UNC13C: variants seen among roughly 807,000 people sequenced by gnomAD.
The protein encoded by UNC13C is unc-13 homolog C, also known as protein unc-13 homolog C.
UNC13C carries 174 observed loss-of-function variants against 245.4 expected under a neutral mutation model. The ratio of observed to expected loss-of-function variants is 0.71; its 90% CI spans 0.63 to 0.80. The LOEUF is 0.80. Ranked by LOEUF, UNC13C falls within the 30% of genes least tolerant of loss-of-function variation. The pLI, the probability that UNC13C is intolerant of heterozygous loss-of-function variation, is 0.00. For synonymous variants in UNC13C, 992 were observed against 895.1 expected, an observed-to-expected ratio of 1.11 and a Z score of -1.93; for missense variants, 2,829 against 2,602.9, an observed-to-expected ratio of 1.09 and a Z score of -1.89.
At chr15:53,887,650 T>G in the UNC13C span, among the ~76,000 whole-genome samples, 1 of 144,628 alleles carries the variant, frequency 6.9e-6, no homozygotes, top group Admixed American at 6.9e-5. Context: ...TGTGCCATTG[T>G]GGTTTGCTAC....
chr15:54,065,576 A>G (rs528371289), intron 2 of UNC13C, among the ~76,000 whole-genome samples: 20 of 152,328 alleles, frequency 1.3e-4, no homozygotes, highest in South Asian at 8.3e-4. Context: ...TCACAGCTCA[A>G]TGCAGATTAG....
rs77876293 is a variant in UNC13C at position 54,353,560 on chromosome 15, C to T, written c.4713+15071C>T. 5.3e-5 allele frequency among the ~76,000 whole-genome samples: 8 copies of T among 152,254 alleles called. No homozygotes were observed. The South Asian group carries it at 1.7e-3, about 32-fold the overall frequency. On this transcript the variant is annotated intron_variant, in intron 17 of 32. Coordinates refer to ENST00000260323, the MANE Select transcript of UNC13C (RefSeq NM_001080534.3). ...CGAAGAGGTACGGTAGAATCACTTT[C>T]GTTGGGCTTCTGCTAAAACTATCTT... is the stretch of plus-strand genomic sequence containing the variant.
intron 19 of UNC13C, among the ~76,000 whole-genome samples, chr15:54,463,309 G>A (rs1236794771): frequency 1.6e-5 from 2 of 124,918 alleles, no homozygotes; most frequent in Non-Finnish European, 3.2e-5. Context: ...ATAAAAGCAG[G>A]CTGCCTGAAG....
At chr15:53,895,547 A>G in the UNC13C span, among the ~76,000 whole-genome samples, 1 of 152,142 alleles carries the variant, frequency 6.6e-6, no homozygotes. Flanking sequence ...AAACATAATT[A>G]AAAGATATCC....
At chr15:54,186,925 T>G (rs1458496577) in intron 4 of UNC13C, among the ~76,000 whole-genome samples, 3 of 151,162 alleles carry the variant, frequency 2.0e-5, no homozygotes, top group Admixed American at 6.6e-5. Context: ...CTTGGCTCAC[T>G]GCAACCTCTA....
rs188000158 is a variant in UNC13C at position 54,069,994 on chromosome 15, G to A, written c.2983+54108G>A. Among the ~76,000 whole-genome samples the A allele has an allele frequency of 4.7e-4, 71 of 152,264 alleles. No individual in the cohort carries two copies. In the South Asian group the frequency reaches 0.011, roughly 23 times the overall value. ...ATAAGTTGAGTATTGTTAACCTTCCGTTTTATAATGATCCTTAGACAGTTA... is the reference window on the plus strand; with the variant it reads ...ATAAGTTGAGTATTGTTAACCTTCCATTTTATAATGATCCTTAGACAGTTA... On this transcript the variant is annotated intron_variant, in intron 2 of 32. Coordinates refer to ENST00000260323, the MANE Select transcript of UNC13C (RefSeq NM_001080534.3).
intron 19 of UNC13C, among the ~76,000 whole-genome samples, chr15:54,471,649 A>G (rs1219086233): frequency 6.6e-6 from 1 of 151,342 alleles, no homozygotes; most frequent in Non-Finnish European, 1.5e-5. Context: ...TAACTTCTTA[A>G]GACTTATTTT....
intron 26 of UNC13C, 82 bp from the exon 27 acceptor site, chr15:54,546,640 A>T: frequency 2.6e-6 from 2 of 755,886 alleles, no homozygotes; most frequent in Non-Finnish European, 3.8e-6. Flanking sequence ...AATGGAATTT[A>T]GCATTTGAAA....
the UNC13C span, among the ~76,000 whole-genome samples, chr15:53,850,800 C>T: frequency 1.3e-5 from 2 of 151,170 alleles, no homozygotes; most frequent in East Asian, 3.9e-4. Context: ...CTTATAAGGA[C>T]TTCGTTAGGC....
chr15:54,476,462 A>G (rs1026853651), intron 19 of UNC13C, among the ~76,000 whole-genome samples: 6 of 141,350 alleles, frequency 4.2e-5, no homozygotes, highest in Non-Finnish European at 9.2e-5. Flanking sequence ...TAAGTCTTTA[A>G]TCTATCTTGA....
At chr15:53,961,239 C>A in the UNC13C span, among the ~76,000 whole-genome samples, 1 of 152,374 alleles carries the variant, frequency 6.6e-6, no homozygotes, top group South Asian at 2.1e-4. Flanking sequence ...TGCCCACTGG[C>A]ACAGCACCGG....
intron 19 of UNC13C, among the ~76,000 whole-genome samples, chr15:54,490,191 C>G (rs1257633977): frequency 6.6e-6 from 1 of 152,154 alleles, no homozygotes; most frequent in East Asian, 1.9e-4. Flanking sequence ...AACCCTGATA[C>G]TTAGAGTTAT....
intron 2 of UNC13C, among the ~76,000 whole-genome samples, chr15:54,066,928 T>A (rs1025877961): frequency 3.9e-5 from 6 of 152,014 alleles, no homozygotes; most frequent in African/African-American, 1.4e-4. Context: ...ACAGAAAAAT[T>A]GTTTTCTTTT....
chr15:54,460,725 A>T (rs139370279), intron 19 of UNC13C, among the ~76,000 whole-genome samples: 23 of 152,298 alleles, frequency 1.5e-4, no homozygotes, highest in Middle Eastern at 3.4e-3. Context: ...CTTCTTTCAA[A>T]GGGTCTGTGA....
At chr15:54,427,964 G>A (rs1251168570) in intron 19 of UNC13C, among the ~76,000 whole-genome samples, 1 of 151,670 alleles carries the variant, frequency 6.6e-6, no homozygotes. Flanking sequence ...TTGTCTTTTG[G>A]TATATAGGGT....
intron 1 of UNC13C, among the ~76,000 whole-genome samples, chr15:53,999,121 A>G (rs950993124): frequency 2.3e-4 from 35 of 152,142 alleles, no homozygotes; most frequent in Non-Finnish European, 2.7e-4. Flanking sequence ...AAATAAAGCA[A>G]TTGGACAGTG....
intron 17 of UNC13C, among the ~76,000 whole-genome samples, chr15:54,368,384 T>C (rs899175844): frequency 2.0e-5 from 3 of 152,070 alleles, no homozygotes; most frequent in Admixed American, 2.0e-4. Context: ...TCAAATCGAA[T>C]GTTATCTCCT....
rs1474317359 is a variant in UNC13C, at chr15:54,628,439, C to T, written c.*1326C>T. 1 of 152,572 alleles carries T rather than the reference C, an allele frequency of 6.6e-6. No homozygotes were observed. Among genetic ancestry groups the T allele is most frequent in the Non-Finnish European group, 1.5e-5 (1 of 68,026 alleles). The allele number at this position is 152,572 out of a possible 1,614,324, so 9.5% of individuals were successfully genotyped here. ...AGTACAGAAGTGCTTAGTATCATGA[C>T]TGTCAGAACCATTCTGCAACTGAGT... On this transcript the variant is annotated 3_prime_UTR_variant, in exon 33 of 33. Transcript: ENST00000260323.
chr15:54,207,241 G>A (rs537472667), intron 4 of UNC13C, among the ~76,000 whole-genome samples: 5 of 152,108 alleles, frequency 3.3e-5, no homozygotes, highest in South Asian at 2.1e-4. Context: ...GGTGGGATCC[G>A]GTGAGGGGTG....
Sources: allele counts gnomAD v4.1 joint callset (sites outside exome capture counted in the v4.1 genomes callset), GRCh38; gene constraint gnomAD v4.1.1; transcripts MANE v1.5; gene names NCBI Gene and HGNC (gene_info 2026-07-23, HGNC 2026-07-21).